The following BAIAP2L1 variants were observed in gnomAD, a reference collection of about 807,000 sequenced individuals.
BAIAP2L1 encodes BAR/IMD domain containing adaptor protein 2 like 1, also known as BAR/IMD domain-containing adapter protein 2-like 1.
Under a neutral mutation model 66.3 loss-of-function variants are expected in BAIAP2L1, and 35 were observed. The ratio of observed to expected loss-of-function variants is 0.53; its 90% CI spans 0.40 to 0.70. The LOEUF (loss-of-function observed/expected upper bound fraction) is 0.70, where lower values mean the gene tolerates loss of function less well. Ranked by LOEUF, BAIAP2L1 falls within the 30% of genes least tolerant of loss-of-function variation. BAIAP2L1 has a pLI of 0.00. For missense variants in BAIAP2L1, 622 were observed against 656.9 expected (o/e 0.95, Z 0.58); for synonymous variants, 269 against 248.7 (o/e 1.08, Z -0.77).
intron 1 of BAIAP2L1, among the ~76,000 whole-genome samples, chr7:98,377,903 G>A (rs1219991820): frequency 2.1e-4 from 31 of 150,174 alleles, no homozygotes; most frequent in Non-Finnish European, 2.1e-4. Context: ...CGAGACGGGC[G>A]GATCACCTGA....
intron 3 of BAIAP2L1, among the ~76,000 whole-genome samples, chr7:98,351,273 C>T (rs1801993627): frequency 6.6e-6 from 1 of 152,178 alleles, no homozygotes; most frequent in African/African-American, 2.4e-5. Flanking sequence ...ACCATGTACA[C>T]CCAGAGCACC....
chr7:98,390,332 C>T (rs1374760950), intron 1 of BAIAP2L1, among the ~76,000 whole-genome samples: 8 of 151,948 alleles, frequency 5.3e-5, no homozygotes, highest in African/African-American at 1.5e-4. Context: ...TAGGAGATGG[C>T]GAATTTTAGC....
chr7:98,306,581 C>G, intron 10 of BAIAP2L1, 65 bp from the exon 11 acceptor site: 1 of 1,612,046 alleles, frequency 6.2e-7, no homozygotes, highest in Non-Finnish European at 8.5e-7. Context: ...CCTCCCTGAA[C>G]AACCTGGTGA....
Position 98,388,383 on chromosome 7 carries a change from C to T in BAIAP2L1, c.51+12419G>A, listed in dbSNP as rs578009811. 2.6e-5 allele frequency among the ~76,000 whole-genome samples: 4 copies of T among 152,346 alleles called. No individual in the cohort carries two copies. The South Asian group carries it at 8.3e-4, about 32-fold the overall frequency. On this transcript the variant is annotated intron_variant, in intron 1 of 13. Coordinates refer to ENST00000005260, the MANE Select transcript of BAIAP2L1 (RefSeq NM_018842.5). ...AAGCAGATGCCTGTAATCCCGGCTA[C>T]TCGGGAGGCCAAGGCAGGAGAATCG...
rs1006874584 is a variant in BAIAP2L1 at position 98,298,166 on chromosome 7, A to C, written c.1423-4055T>G. On this transcript the variant is annotated intron_variant, in intron 12 of 13. Coordinates refer to ENST00000005260, the MANE Select transcript of BAIAP2L1 (RefSeq NM_018842.5). Reference sequence around the variant, plus strand: ...CCCCTTGGGAGAAGCCCCTGCTCTCAGATCGTCTAATAAGACGCGCCGTCA... The same window carrying C: ...CCCCTTGGGAGAAGCCCCTGCTCTCCGATCGTCTAATAAGACGCGCCGTCA... Among the ~76,000 whole-genome samples, 5 of 152,240 alleles carry C rather than the reference A, an allele frequency of 3.3e-5. No homozygotes were observed. The South Asian group carries it at 8.3e-4, about 25-fold the overall frequency.
At chr7:98,384,691 A>AC (rs1562792752) in intron 1 of BAIAP2L1, among the ~76,000 whole-genome samples, 2 of 84,832 alleles carry the variant, frequency 2.4e-5, no homozygotes, top group Non-Finnish European at 4.2e-5. Flanking sequence ...AGATCATTCT[A>AC]CCTTTTTTTT....
chr7:98,354,980 G>C, intron 3 of BAIAP2L1, 62 bp downstream of exon 3: 1 of 1,282,764 alleles, frequency 7.8e-7, no homozygotes, highest in Non-Finnish European at 1.1e-6. Flanking sequence ...CATCCCACGC[G>C]TTTCTCTTGG....
intron 9 of BAIAP2L1, 192 bp from the exon 10 acceptor site, chr7:98,308,088 CAGCG>C: frequency 1.4e-6 from 1 of 701,680 alleles, no homozygotes; most frequent in Non-Finnish European, 2.6e-6. Flanking sequence ...GAAACAGAGG[CAGCG>C]TGCAGCCTGA....
chr7:98,359,480 C>G (rs150776753), intron 2 of BAIAP2L1, among the ~76,000 whole-genome samples: 234 of 152,260 alleles, frequency 1.5e-3, no homozygotes, highest in Non-Finnish European at 2.7e-3. Flanking sequence ...ACCATGTTGG[C>G]CAGCCTGGTC....
chr7:98,307,132 G>A (rs1800689185), intron 10 of BAIAP2L1: 2 of 158,710 alleles, frequency 1.3e-5, no homozygotes, highest in African/African-American at 4.8e-5. Flanking sequence ...ATTTTTTTGA[G>A]ACAGAGTCTT....
intron 5 of BAIAP2L1, 101 bp downstream of exon 5, chr7:98,319,957 C>T: frequency 1.1e-6 from 1 of 939,616 alleles, no homozygotes; most frequent in Non-Finnish European, 1.7e-6. Context: ...CGGAGCTTCT[C>T]TCCTGTCTGC....
intron 3 of BAIAP2L1, among the ~76,000 whole-genome samples, chr7:98,345,818 T>C (rs938910005): frequency 6.6e-6 from 1 of 152,008 alleles, no homozygotes; most frequent in Admixed American, 6.6e-5. Flanking sequence ...GAAAAGATGC[T>C]CAATGTCGTT....
intron 1 of BAIAP2L1, among the ~76,000 whole-genome samples, chr7:98,383,553 C>T (rs891729996): frequency 1.3e-5 from 2 of 152,014 alleles, no homozygotes; most frequent in African/African-American, 4.8e-5. Context: ...TCCCAAAGTG[C>T]TGGGATTACA....
rs751068613 is a variant in BAIAP2L1, at chr7:98,318,601, C to G, written c.349-1245G>C. 2.6e-5 allele frequency among the ~76,000 whole-genome samples: 4 copies of G among 151,974 alleles called. No individual in the cohort carries two copies. The East Asian group carries it at 7.8e-4, about 30-fold the overall frequency. ...GTGAACACAGGGTCTTAAACGGACCCGCGTCAGAATTCAAATCCTTGTTTT... is the reference window on the plus strand; with the variant it reads ...GTGAACACAGGGTCTTAAACGGACCGGCGTCAGAATTCAAATCCTTGTTTT... On this transcript the variant is annotated intron_variant, in intron 5 of 13. Transcript: ENST00000005260.
chr7:98,353,313 A>AC (rs1168177397), intron 3 of BAIAP2L1, among the ~76,000 whole-genome samples: 5 of 143,836 alleles, frequency 3.5e-5, no homozygotes, highest in African/African-American at 7.7e-5. Flanking sequence ...ACACAGAGAG[A>AC]CCCCCTAAAA....
intron 2 of BAIAP2L1, among the ~76,000 whole-genome samples, chr7:98,357,765 T>G (rs1190642073): frequency 6.6e-6 from 1 of 152,128 alleles, no homozygotes; most frequent in East Asian, 1.9e-4. Flanking sequence ...TATCCAATTA[T>G]GTTGAGACAC....
intron 3 of BAIAP2L1, among the ~76,000 whole-genome samples, chr7:98,331,465 C>CTTTTTTT (rs34202570): frequency 8.6e-6 from 1 of 115,674 alleles, no homozygotes; most frequent in Non-Finnish European, 1.7e-5. Flanking sequence ...AAAGAAAAAT[C>CTTTTTTT]TTTTTTTTTT....
chr7:98,305,028 G>T (rs955029024), intron 11 of BAIAP2L1, among the ~76,000 whole-genome samples: 5 of 142,980 alleles, frequency 3.5e-5, no homozygotes, highest in African/African-American at 1.3e-4. Flanking sequence ...ACCACGCCCA[G>T]CTAATTTTTT....
chr7:98,389,918 A>ATTTTTT (rs750099451), intron 1 of BAIAP2L1, among the ~76,000 whole-genome samples: 1 of 129,798 alleles, frequency 7.7e-6, no homozygotes, highest in African/African-American at 2.7e-5. Flanking sequence ...GGGTTAGTAA[A>ATTTTTT]TTTTTTTTTT....
Sources: allele counts gnomAD v4.1 joint callset (sites outside exome capture counted in the v4.1 genomes callset), GRCh38; gene constraint gnomAD v4.1.1; transcripts MANE v1.5; gene names NCBI Gene and HGNC (gene_info 2026-07-23, HGNC 2026-07-21).